Variants in NUP214 observed in about 807,000 individuals in gnomAD.
NUP214 encodes nucleoporin 214.
In NUP214, 79 loss-of-function variants were observed where a neutral mutation model predicts 196.2. The observed-to-expected ratio is 0.40, with a 90% CI of 0.34 to 0.49. The LOEUF (loss-of-function observed/expected upper bound fraction) is 0.49, where lower values mean the gene tolerates loss of function less well. NUP214 is among the 20% of genes least tolerant of loss of function. NUP214 has a pLI of 0.58. For synonymous variants in NUP214, 1,020 were observed against 990.5 expected (o/e 1.03, Z -0.56); for missense variants, 2,468 against 2,539.0 (o/e 0.97, Z 0.60).
chr9:131,190,189 G>T, intron 26 of NUP214: 1 of 379,264 alleles, frequency 2.6e-6, no homozygotes. Context: ...AGCACTTCTC[G>T]ACCGGGGCCT....
chr9:131,225,497 A>G (rs915662617), intron 32 of NUP214, among the ~76,000 whole-genome samples: 2 of 152,244 alleles, frequency 1.3e-5, no homozygotes, highest in Non-Finnish European at 2.9e-5. Flanking sequence ...CATAGTAAGT[A>G]CTTATTTGCC....
chr9:131,129,265 A>G lies in NUP214; in HGVS notation c.394-14A>G, dbSNP rs1831455259. 1.9e-6 allele frequency: 3 copies of G among 1,609,368 alleles called. No homozygotes were observed. The highest frequency in any genetic ancestry group is 2.6e-6 in the Non-Finnish European group (3 of 1,176,408). ...TTGTTAACTTATTTCACTTTTGCAT[A>G]TTTGTTTTAAAAGGCTAAACAGCAA... is the stretch of plus-strand genomic sequence containing the variant. On this transcript the variant is annotated splice_polypyrimidine_tract_variant and intron_variant, in intron 3 of 35. Coordinates refer to ENST00000359428, the MANE Select transcript of NUP214 (RefSeq NM_005085.4).
intron 32 of NUP214, among the ~76,000 whole-genome samples, chr9:131,225,104 A>C (rs1202432599): frequency 1.3e-5 from 2 of 151,818 alleles, no homozygotes; most frequent in Non-Finnish European, 2.9e-5. Context: ...CTCTAAAAGA[A>C]AAAAGGAAAA....
chr9:131,215,470 A>G (rs1834366648), intron 31 of NUP214, 102 bp downstream of exon 31: 2 of 1,252,440 alleles, frequency 1.6e-6, no homozygotes, highest in Non-Finnish European at 2.1e-6. Context: ...AGAAAAAAAA[A>G]TCTAGAAGGC....
intron 11 of NUP214, among the ~76,000 whole-genome samples, chr9:131,143,136 A>G (rs1198529468): frequency 6.6e-6 from 1 of 152,046 alleles, no homozygotes; most frequent in Non-Finnish European, 1.5e-5. Context: ...CCTCCCAAGT[A>G]GCTGGGACTA....
In NUP214 at chr9:131,215,311, G is replaced by A; in HGVS notation, c.5692G>A (p.Ala1898Thr). Residue 1898 changes from alanine to threonine, a missense_variant, in exon 31 of 36, where the codon GCC (alanine) becomes ACC (threonine). By Grantham distance (58) the Ala-to-Thr change is moderately conservative. Coordinates refer to ENST00000359428, the MANE Select transcript of NUP214 (RefSeq NM_005085.4). Reference sequence around the variant, plus strand: ...TGGAGGAAAACCCAGTCAGGATGCAGCCAACAAAAACCCATTCAGCTCGGC... The same window carrying A: ...TGGAGGAAAACCCAGTCAGGATGCAACCAACAAAAACCCATTCAGCTCGGC... ...GLGGKPSQDA[A>T]NKNPFSSASG... 1 of 1,610,256 alleles carries A rather than the reference G, an allele frequency of 6.2e-7. No homozygotes were observed.
chr9:131,126,776 C>T (rs1414260208), intron 1 of NUP214, among the ~76,000 whole-genome samples: 1 of 152,056 alleles, frequency 6.6e-6, no homozygotes, highest in African/African-American at 2.4e-5. Flanking sequence ...TCTCGAACTC[C>T]TGACCTAACG....
Position 131,198,053 on chromosome 9 carries a change from A to G in NUP214, c.4559A>G (p.Glu1520Gly). 2 of 1,614,186 alleles carry G rather than the reference A, an allele frequency of 1.2e-6. No individual in the cohort carries two copies. The highest frequency in any genetic ancestry group is 4.5e-5 in the East Asian group (2 of 44,882). The change falls in exon 29 of 36, where the codon GAG becomes GGG. Residue 1520 changes from glutamate to glycine, a missense_variant. Transcript: ENST00000359428. ...GCATCAGCAGCCTCACTTCTAGAGG[A>G]GCAACAGTCAGCCCAGCTTCCCCAG... ...VSASAASLLE[E>G]QQSAQLPQAP...
chr9:131,230,560 G>A, intron 33 of NUP214, 70 bp from the exon 34 acceptor site: 9 of 1,585,014 alleles, frequency 5.7e-6, no homozygotes, highest in Non-Finnish European at 7.8e-6. Context: ...ACAGCAGGGG[G>A]CTGAGGCTTG....
chr9:131,220,012 G>A (rs1000804267), intron 31 of NUP214, among the ~76,000 whole-genome samples: 1 of 152,188 alleles, frequency 6.6e-6, no homozygotes, highest in African/African-American at 2.4e-5. Flanking sequence ...GTCAGGCCCT[G>A]ATGTTGGATG....
chr9:131,216,400 A>AT (rs890038248), intron 31 of NUP214, among the ~76,000 whole-genome samples: 2 of 140,824 alleles, frequency 1.4e-5, no homozygotes, highest in African/African-American at 2.7e-5. Flanking sequence ...AATTTTTTAT[A>AT]TTTTTTTTAG....
At position 131,133,206 on chromosome 9, in the gene NUP214, A is replaced by T; in HGVS notation, c.828A>T (p.Leu276=). 1 of 1,546,290 alleles carries T rather than the reference A, an allele frequency of 6.5e-7. No homozygotes were observed. The highest frequency in any genetic ancestry group is 1.2e-5 in the South Asian group (1 of 82,380). Residue 276 remains leucine, a synonymous_variant, in exon 7 of 36, where the codon CTA becomes CTT. Transcript: ENST00000359428. ...ETSPDVVMAL[L]PKKEEKHPEI... ...CTCCAGATGTGGTGATGGCTCTACTACCGGTATGCCTGTGGAAGAAATTTC... is the reference window on the plus strand; with the variant it reads ...CTCCAGATGTGGTGATGGCTCTACTTCCGGTATGCCTGTGGAAGAAATTTC...
intron 17 of NUP214, among the ~76,000 whole-genome samples, chr9:131,154,203 T>C (rs1832362164): frequency 6.6e-6 from 1 of 152,194 alleles, no homozygotes; most frequent in African/African-American, 2.4e-5. Context: ...CATAGACCCT[T>C]ATCCACAAAA....
At chr9:131,212,738 G>A (rs1834280312) in intron 30 of NUP214, among the ~76,000 whole-genome samples, 1 of 152,022 alleles carries the variant, frequency 6.6e-6, no homozygotes, top group Admixed American at 6.5e-5. Context: ...CTATATTAAG[G>A]CATTATTGTT....
At chr9:131,191,975 C>T (rs1833613993) in intron 26 of NUP214, 3 of 378,534 alleles carry the variant, frequency 7.9e-6, no homozygotes, top group African/African-American at 4.2e-5. Context: ...GAAGATGGCA[C>T]ACCTTAGACT....
chr9:131,137,820 G>C (rs985161558), intron 9 of NUP214, among the ~76,000 whole-genome samples: 3 of 152,090 alleles, frequency 2.0e-5, no homozygotes, highest in Non-Finnish European at 2.9e-5. Flanking sequence ...CAAAGTGCTG[G>C]GATTACAGGC....
At position 131,197,555 on chromosome 9, in the gene NUP214, C is replaced by G. The variant is rs773376968; in HGVS notation, c.4061C>G (p.Ser1354Cys). 1.2e-6 allele frequency: 2 copies of G among 1,614,196 alleles called. No homozygotes were observed. Among genetic ancestry groups the G allele is most frequent in the Non-Finnish European group, 1.7e-6 (2 of 1,180,018 alleles). ...DSTKPTNKAS[S>C]TSLTSTQPTK... ...ACAAAACCAACCAATAAGGCTTCAT[C>G]CACAAGCCTAACTAGTACCCAGCCA... is the stretch of plus-strand genomic sequence containing the variant. The change falls in exon 29 of 36, where the codon TCC becomes TGC. Residue 1354 changes from serine to cysteine, a missense_variant. By Grantham distance (112) the Ser-to-Cys change is moderately radical. Coordinates refer to ENST00000359428, the MANE Select transcript of NUP214 (RefSeq NM_005085.4).
intron 32 of NUP214, among the ~76,000 whole-genome samples, chr9:131,223,923 A>T (rs1460293593): frequency 6.7e-6 from 1 of 148,890 alleles, no homozygotes; most frequent in African/African-American, 2.5e-5. Context: ...TTTAGTAGAG[A>T]CGGGGTTTCA....
At chr9:131,202,588 T>TG (rs1833969665) in intron 30 of NUP214, among the ~76,000 whole-genome samples, 1 of 150,720 alleles carries the variant, frequency 6.6e-6, no homozygotes. Context: ...CACACCCAGC[T>TG]ATTTTTTTTT....
Sources: allele counts gnomAD v4.1 joint callset (sites outside exome capture counted in the v4.1 genomes callset), GRCh38; gene constraint gnomAD v4.1.1; transcripts MANE v1.5; gene names NCBI Gene and HGNC (gene_info 2026-07-23, HGNC 2026-07-21).